The following RAB38 variants were observed in gnomAD, a reference collection of about 807,000 sequenced individuals.
RAB38 encodes RAB38, member RAS oncogene family, also known as ras-related protein Rab-38.
In RAB38, 15 loss-of-function variants were observed where a neutral mutation model predicts 18.4. That is an observed-to-expected ratio of 0.82 (90% CI 0.55 to 1.26). The LOEUF (loss-of-function observed/expected upper bound fraction) is 1.26, where lower values mean the gene tolerates loss of function less well. RAB38 is among the 50% of genes most tolerant of loss of function. The probability of loss-of-function intolerance (pLI) is 0.00; values close to 1 mark genes in which losing one functional copy is unlikely to be tolerated. For missense variants in RAB38, 294 were observed against 267.4 expected (o/e 1.10, Z -0.69); for synonymous variants, 101 against 104.4 (o/e 0.97, Z 0.20).
the RAB38 span, among the ~76,000 whole-genome samples, chr11:88,007,867 T>A: frequency 6.6e-6 from 1 of 152,124 alleles, no homozygotes; most frequent in African/African-American, 2.4e-5. Flanking sequence ...AATAGATAAG[T>A]TGTATATTAT....
chr11:88,004,038 T>C, the RAB38 span, among the ~76,000 whole-genome samples: 18 of 140,528 alleles, frequency 1.3e-4, no homozygotes, highest in African/African-American at 4.4e-4. Flanking sequence ...ATTTTATATA[T>C]ATATGGGAGA....
chr11:87,925,566 G>T, the RAB38 span, among the ~76,000 whole-genome samples: 15 of 152,012 alleles, frequency 9.9e-5, no homozygotes, highest in African/African-American at 3.6e-4. Flanking sequence ...TATGTTTAAT[G>T]AAGGTATTCA....
chr11:87,841,329 A>G, the RAB38 span, among the ~76,000 whole-genome samples: 1 of 152,044 alleles, frequency 6.6e-6, no homozygotes. Flanking sequence ...TTCATGAGAG[A>G]CTTTTTCCCC....
the RAB38 span, among the ~76,000 whole-genome samples, chr11:87,927,133 A>C: frequency 6.6e-6 from 1 of 152,050 alleles, no homozygotes; most frequent in East Asian, 1.9e-4. Context: ...GCGTCCCACT[A>C]AAAATACAAT....
the RAB38 span, among the ~76,000 whole-genome samples, chr11:87,938,672 G>GGA: frequency 8.5e-6 from 1 of 118,270 alleles, no homozygotes; most frequent in Non-Finnish European, 1.7e-5. Context: ...TTGTTTGCCA[G>GGA]AAAAAAAAAA....
the RAB38 span, among the ~76,000 whole-genome samples, chr11:88,093,100 T>G: frequency 0.23 from 35,398 of 151,840 alleles, 5,418 homozygotes; most frequent in African/African-American, 0.43. Flanking sequence ...TTCTCAAGAT[T>G]ATTATACTCC....
intron 2 of RAB38, among the ~76,000 whole-genome samples, chr11:88,138,698 A>G (rs528554982): frequency 6.6e-6 from 1 of 152,264 alleles, no homozygotes; most frequent in East Asian, 1.9e-4. Flanking sequence ...AGGGTTTGTG[A>G]GAAGTAAATG....
the RAB38 span, among the ~76,000 whole-genome samples, chr11:88,034,145 T>C: frequency 1.3e-5 from 2 of 152,244 alleles, no homozygotes; most frequent in Non-Finnish European, 2.9e-5. Context: ...AATGGAGTTA[T>C]ACTGTATGTA....
the RAB38 span, among the ~76,000 whole-genome samples, chr11:87,813,847 CTTAG>C: frequency 6.6e-6 from 1 of 152,152 alleles, no homozygotes; most frequent in Admixed American, 6.5e-5. Flanking sequence ...ATTAGTATAG[CTTAG>C]TTAAACTTTC....
At chr11:87,973,965 G>T in the RAB38 span, among the ~76,000 whole-genome samples, 1 of 151,780 alleles carries the variant, frequency 6.6e-6, no homozygotes, top group Non-Finnish European at 1.5e-5. Context: ...ACCCAAGCCT[G>T]ACATGATCAA....
At chr11:87,971,913 T>A in the RAB38 span, among the ~76,000 whole-genome samples, 31 of 102,240 alleles carry the variant, frequency 3.0e-4, no homozygotes, top group Non-Finnish European at 2.1e-5. Context: ...CTAAAATATG[T>A]GTAAAAGCGT....
chr11:87,875,162 A>G, the RAB38 span, among the ~76,000 whole-genome samples: 84,944 of 151,176 alleles, frequency 0.56, 26,285 homozygotes, highest in Non-Finnish European at 0.7. Context: ...CAGAGAGTAA[A>G]TTTTAAATGT....
the RAB38 span, among the ~76,000 whole-genome samples, chr11:88,107,339 C>T: frequency 3.3e-5 from 5 of 152,020 alleles, no homozygotes; most frequent in South Asian, 8.3e-4. Flanking sequence ...TATTGATTTA[C>T]CCTAGGGTCC....
In RAB38 at chr11:88,114,018, A is replaced by C. The variant is rs1253914603; in HGVS notation, c.606T>G (p.Val202=). The part of the protein sequence containing the change: ...VVKPHLTSTK[V]ASCSGCAKS The stretch of plus-strand genomic sequence containing the variant: ...ATTTGGCACAGCCAGAGCAGCTGGC[A>C]ACCTTGGTTGATGTGAGATGGGGCT... Residue 202 remains valine, a synonymous_variant, in exon 3 of 3, where the codon GTT becomes GTG. Transcript: ENST00000243662. 6.2e-7 allele frequency: 1 copy of C among 1,614,206 alleles called. No individual in the cohort carries two copies. The highest frequency in any genetic ancestry group is 8.5e-7 in the Non-Finnish European group (1 of 1,180,022).
the RAB38 span, among the ~76,000 whole-genome samples, chr11:87,838,536 T>C: frequency 2.7e-4 from 41 of 152,218 alleles, no homozygotes; most frequent in Non-Finnish European, 5.4e-4. Context: ...TTTTGTGAGA[T>C]CTGTCTCTTT....
chr11:88,004,061 A>T, the RAB38 span, among the ~76,000 whole-genome samples: 3 of 142,740 alleles, frequency 2.1e-5, no homozygotes, highest in Non-Finnish European at 4.6e-5. Context: ...GTATATATAT[A>T]CCTTCTCAGA....
chr11:87,813,470 A>G, the RAB38 span, among the ~76,000 whole-genome samples: 3 of 150,494 alleles, frequency 2.0e-5, no homozygotes, highest in Non-Finnish European at 4.4e-5. Context: ...TCAGAAAATA[A>G]AGGCATGCAC....
At chr11:87,942,502 C>T in the RAB38 span, among the ~76,000 whole-genome samples, 2 of 152,164 alleles carry the variant, frequency 1.3e-5, no homozygotes, top group African/African-American at 4.8e-5. Context: ...TGCCTGCTCT[C>T]ATGCTCACCT....
the RAB38 span, among the ~76,000 whole-genome samples, chr11:87,866,088 A>T: frequency 3.3e-5 from 5 of 151,748 alleles, no homozygotes; most frequent in Non-Finnish European, 7.4e-5. Context: ...AACCAGATTG[A>T]TCTTCCTCTA....
Sources: allele counts gnomAD v4.1 joint callset (sites outside exome capture counted in the v4.1 genomes callset), GRCh38; gene constraint gnomAD v4.1.1; transcripts MANE v1.5; gene names NCBI Gene and HGNC (gene_info 2026-07-23, HGNC 2026-07-21).